The following ZNF215 variants were observed in gnomAD, a reference collection of about 807,000 sequenced individuals.
ZNF215 encodes BWSCR2-associated zinc finger protein 2.
A neutral mutation model predicts 27.2 loss-of-function variants in ZNF215; 24 were observed. That is an observed-to-expected ratio of 0.88 (90% CI 0.64 to 1.24). The LOEUF (loss-of-function observed/expected upper bound fraction) is 1.24, where lower values mean the gene tolerates loss of function less well. ZNF215 is among the 50% of genes most tolerant of loss of function. ZNF215 has a pLI of 0.00. For synonymous variants in ZNF215, 210 were observed against 204.0 expected (o/e 1.03, Z -0.25); for missense variants, 675 against 605.7 (o/e 1.11, Z -1.20).
At chr11:6,991,564 T>G (rs750526169), downstream of ZNF215, among the ~76,000 whole-genome samples, 1 of 152,224 alleles carries the variant, frequency 6.6e-6, no homozygotes, top group Non-Finnish European at 1.5e-5. Flanking sequence ...TACTTCCTCC[T>G]TAAGAGCTCA....
At chr11:6,972,907 T>A (rs1223027430) in intron 5 of ZNF215, among the ~76,000 whole-genome samples, 2 of 4,716 alleles carry the variant, frequency 4.2e-4, no homozygotes. Context: ...AAAGGATTTT[T>A]TTAATTTTTT....
intron 6 of ZNF215, among the ~76,000 whole-genome samples, chr11:6,950,376 C>T (rs1850005825): frequency 6.6e-6 from 1 of 151,648 alleles, no homozygotes. Flanking sequence ...ATGGAATGTT[C>T]TTCCATTTGT....
chr11:6,968,890 T>C (rs938650976), intron 5 of ZNF215, among the ~76,000 whole-genome samples: 1 of 151,994 alleles, frequency 6.6e-6, no homozygotes, highest in South Asian at 2.1e-4. Context: ...AAATTACTTA[T>C]AATTCATGTC....
chr11:6,988,786 C>G (rs1030675389), downstream of ZNF215: 1 of 152,196 alleles, frequency 6.6e-6, no homozygotes, highest in Non-Finnish European at 1.5e-5. Flanking sequence ...GATGTTTTCA[C>G]TACAAAACAC....
downstream of ZNF215, among the ~76,000 whole-genome samples, chr11:6,984,846 AT>A (rs1420129073): frequency 5.7e-5 from 5 of 88,074 alleles, no homozygotes; most frequent in African/African-American, 2.6e-4. Flanking sequence ...TCTTATAGAA[AT>A]AAAAAATAGT....
chr11:6,974,539 T>C (rs1337818825), intron 5 of ZNF215, among the ~76,000 whole-genome samples: 2 of 152,150 alleles, frequency 1.3e-5, no homozygotes, highest in Non-Finnish European at 2.9e-5. Flanking sequence ...ATGGAATGTT[T>C]TTCCATTTGT....
In ZNF215 at chr11:6,932,624, G is replaced by A. The variant is rs563646306; in HGVS notation, c.352G>A (p.Asp118Asn). 6.2e-7 allele frequency: 1 copy of A among 1,614,118 alleles called. No individual in the cohort carries two copies. Among genetic ancestry groups the A allele is most frequent in the Middle Eastern group, 1.6e-4 (1 of 6,062 alleles). ...TTTACAACATCCAAACAACAGTAAA[G>A]ATATGGTGACCCTCATAGAAGATGT... ...VNLQHPNNSKDMVTLIEDVIE... is the reference protein window; with the variant it reads ...VNLQHPNNSKNMVTLIEDVIE... The change falls in exon 3 of 7, where the codon GAT becomes AAT. Residue 118 changes from aspartate (D) to asparagine (N), a missense_variant. Coordinates refer to ENST00000278319, the MANE Select transcript of ZNF215 (RefSeq NM_013250.4).
intron 6 of ZNF215, among the ~76,000 whole-genome samples, chr11:6,993,951 C>A (rs1223320433): frequency 6.6e-6 from 1 of 152,088 alleles, no homozygotes; most frequent in Non-Finnish European, 1.5e-5. Context: ...TAAAAAGCAT[C>A]CTTTCACAAT....
chr11:6,981,058 C>T (rs1345866341), intron 5 of ZNF215, among the ~76,000 whole-genome samples: 1 of 151,602 alleles, frequency 6.6e-6, no homozygotes, highest in African/African-American at 2.4e-5. Context: ...TGAATAGTGC[C>T]ACAATAAACA....
At chr11:6,953,561 C>A (rs946478977) in intron 6 of ZNF215, among the ~76,000 whole-genome samples, 2 of 152,214 alleles carry the variant, frequency 1.3e-5, no homozygotes, top group African/African-American at 4.8e-5. Context: ...TCACATAGTT[C>A]TCGAGCCTTG....
At chr11:6,951,999 G>T (rs999812418) in intron 6 of ZNF215, among the ~76,000 whole-genome samples, 4 of 152,196 alleles carry the variant, frequency 2.6e-5, no homozygotes, top group African/African-American at 9.7e-5. Flanking sequence ...GCACCCAGTA[G>T]TCATTCAGGA....
downstream of ZNF215, among the ~76,000 whole-genome samples, chr11:6,961,025 T>C (rs1301006201): frequency 1.3e-5 from 2 of 152,084 alleles, no homozygotes; most frequent in African/African-American, 2.4e-5. Context: ...GGTGTTTCCA[T>C]TGAATGCCAG....
chr11:6,943,212 A>G lies in ZNF215; in HGVS notation c.613A>G (p.Lys205Glu). The stretch of plus-strand genomic sequence containing the variant: ...CTTTAGGAACCTGAATTCATTGCGT[A>G]AAGGTGGTTTCTATATGTTTACCTA... ...ENFRNLNSLR[K>E]AHLLSKPFES... The change falls in exon 5 of 7, where the codon AAA becomes GAA. Residue 205 changes from lysine to glutamate, a missense_variant. Transcript: ENST00000278319. 1 of 1,611,348 alleles carries G rather than the reference A, an allele frequency of 6.2e-7. No individual in the cohort carries two copies.
Position 6,957,130 on chromosome 11 carries a change from G to A in ZNF215, c.*599G>A. ...TTATCAACTGCAATGGGAGAAGTAT[G>A]TATTGCTGTTAATCTATATGTATTC... On this transcript the variant is annotated 3_prime_UTR_variant, in exon 7 of 7. Coordinates refer to ENST00000278319, the MANE Select transcript of ZNF215 (RefSeq NM_013250.4). 1 of 985,372 alleles carries A rather than the reference G, an allele frequency of 1.0e-6. No individual in the cohort carries two copies. The highest frequency in any genetic ancestry group is 1.2e-6 in the Non-Finnish European group (1 of 829,882). 61.0% of individuals were successfully genotyped at this position (985,372 alleles called of 1,614,324 possible).
intron 3 of ZNF215, among the ~76,000 whole-genome samples, chr11:6,940,403 C>T (rs932845540): frequency 2.0e-5 from 3 of 152,248 alleles, no homozygotes; most frequent in East Asian, 3.9e-4. Flanking sequence ...CTCCTAGGCT[C>T]GGGAAATCCT....
intron 5 of ZNF215, among the ~76,000 whole-genome samples, chr11:6,976,855 G>GT: frequency 6.6e-6 from 1 of 152,026 alleles, no homozygotes; most frequent in Non-Finnish European, 1.5e-5. Flanking sequence ...CAAACTTAAT[G>GT]GCTTAAAACA....
intron 5 of ZNF215, among the ~76,000 whole-genome samples, chr11:6,971,432 TCTC>T (rs1190141963): frequency 5.3e-5 from 8 of 152,150 alleles, no homozygotes; most frequent in Non-Finnish European, 4.4e-5. Flanking sequence ...GTTAATGCCT[TCTC>T]CTCTATCTCC....
intron 5 of ZNF215, among the ~76,000 whole-genome samples, chr11:6,974,030 C>A (rs1183430073): frequency 6.6e-6 from 1 of 151,984 alleles, no homozygotes; most frequent in Non-Finnish European, 1.5e-5. Flanking sequence ...GGTTTTAGGT[C>A]TAATATTTAA....
intron 2 of ZNF215, among the ~76,000 whole-genome samples, chr11:6,930,228 A>G (rs897112409): frequency 6.6e-6 from 1 of 152,078 alleles, no homozygotes; most frequent in Non-Finnish European, 1.5e-5. Context: ...CTATTGGAGA[A>G]TGGTATTAGA....
Sources: gnomAD v4.1 joint callset for allele counts (sites outside exome capture counted in the v4.1 genomes callset) on GRCh38, gnomAD v4.1.1 for gene constraint, MANE v1.5 for transcripts, NCBI Gene and HGNC (gene_info 2026-07-23, HGNC 2026-07-21) for gene names.